Variants in ARHGAP23 observed in about 807,000 individuals in gnomAD.
ARHGAP23 encodes Rho GTPase activating protein 23, also known as rho GTPase-activating protein 23.
In ARHGAP23, 34 loss-of-function variants were observed where a neutral mutation model predicts 136.3. The ratio of observed to expected loss-of-function variants is 0.25; its 90% CI spans 0.19 to 0.33. The LOEUF (loss-of-function observed/expected upper bound fraction) is 0.33. Among genes scored for constraint, ARHGAP23 ranks in the 10% least tolerant of loss-of-function variants. ARHGAP23 has a pLI of 1.00. For synonymous variants in ARHGAP23, 832 were observed against 920.5 expected, an observed-to-expected ratio of 0.90 and a Z score of 1.74; for missense variants, 1,808 against 2,139.0, an observed-to-expected ratio of 0.85 and a Z score of 3.05.
chr17:38,452,164 CT>C (rs2039188124), intron 1 of ARHGAP23, among the ~76,000 whole-genome samples: 1 of 152,128 alleles, frequency 6.6e-6, no homozygotes, highest in African/African-American at 2.4e-5. Context: ...TCCCCCTCCC[CT>C]CCCACCTCCG....
At chr17:38,500,690 G>C in intron 23 of ARHGAP23, 62 bp downstream of exon 23, 1 of 1,455,514 alleles carries the variant, frequency 6.9e-7, no homozygotes, top group South Asian at 1.2e-5. Flanking sequence ...TTTGGTTTTT[G>C]TTCAAGGGAA....
At chr17:38,431,856 C>A (rs1451355513) in intron 1 of ARHGAP23, among the ~76,000 whole-genome samples, 1 of 152,214 alleles carries the variant, frequency 6.6e-6, no homozygotes, top group Non-Finnish European at 1.5e-5. Flanking sequence ...GCCTTTCCCT[C>A]TGTGGTTGGT....
At chr17:38,499,510 G>A (rs370657804) in intron 22 of ARHGAP23, among the ~76,000 whole-genome samples, 7 of 152,230 alleles carry the variant, frequency 4.6e-5, no homozygotes, top group South Asian at 4.2e-4. Context: ...TCCTCCCCCC[G>A]CCATGGTTGT....
chr17:38,491,262 G>A, intron 19 of ARHGAP23, 145 bp from the exon 20 acceptor site: 1 of 1,126,970 alleles, frequency 8.9e-7, no homozygotes, highest in East Asian at 2.6e-5. Context: ...TACTCATCAA[G>A]CATCTCCATG....
intron 1 of ARHGAP23, among the ~76,000 whole-genome samples, chr17:38,433,040 A>G (rs2038718690): frequency 1.3e-5 from 2 of 151,768 alleles, no homozygotes; most frequent in South Asian, 4.2e-4. Flanking sequence ...GCAGCCTTGA[A>G]CTCCTGGGAT....
chr17:38,460,308 G>A (rs2039427759), intron 2 of ARHGAP23, among the ~76,000 whole-genome samples: 2 of 152,164 alleles, frequency 1.3e-5, no homozygotes, highest in African/African-American at 4.8e-5. Flanking sequence ...TTTCTGTCCT[G>A]TAAGCCTGAG....
At chr17:38,470,807 G>A (rs146233364) in intron 10 of ARHGAP23, among the ~76,000 whole-genome samples, 2,071 of 152,210 alleles carry the variant, frequency 0.014, 37 homozygotes, top group African/African-American at 0.046. Flanking sequence ...AAAGTGTTGG[G>A]ATTACAGGCG....
rs961906120 is a variant in ARHGAP23 at position 38,458,207 on chromosome 17, A to G, written c.169A>G (p.Thr57Ala). 1 of 1,535,622 alleles carries G rather than the reference A, an allele frequency of 6.5e-7. No homozygotes were observed. Among genetic ancestry groups the G allele is most frequent in the East Asian group, 2.4e-5 (1 of 40,864 alleles). The change falls in exon 2 of 24, where the codon ACT (threonine) becomes GCT (alanine). Residue 57 changes from threonine (T) to alanine (A), a missense_variant. By Grantham distance (58) the Thr-to-Ala change is moderately conservative (BLOSUM62 0). Coordinates refer to ENST00000622683, the MANE Select transcript of ARHGAP23 (RefSeq NM_001199417.2). ...YKSPQDGFGFTLRHFIVYPPE... is the reference protein window; with the variant it reads ...YKSPQDGFGFALRHFIVYPPE... ...AAGTCCCCAGGACGGCTTTGGCTTC[A>G]CTCTGCGCCACTTCATCGTGTACCC...
chr17:38,462,933 T>G lies in ARHGAP23; in HGVS notation c.341T>G (p.Leu114Arg). 1 of 1,542,510 alleles carries G rather than the reference T, an allele frequency of 6.5e-7. No homozygotes were observed. Among genetic ancestry groups the G allele is most frequent in the Non-Finnish European group, 8.7e-7 (1 of 1,144,676 alleles). ...KEDGPAHRAGLRTGDRLVKVN... is the reference protein window; with the variant it reads ...KEDGPAHRAGRRTGDRLVKVN... ...GACGGCCCTGCCCATAGGGCGGGGC[T>G]TCGCACAGGTGAGCTGGCCCAGTTA... The change falls in exon 4 of 24, where the codon CTT becomes CGT. Residue 114 changes from leucine to arginine, a missense_variant. Around this residue, in one of 7 missense-constraint regions of ARHGAP23, gnomAD observed 859 missense variants for 936.4 expected, o/e 0.92. Coordinates refer to ENST00000622683, the MANE Select transcript of ARHGAP23 (RefSeq NM_001199417.2).
intron 12 of ARHGAP23, among the ~76,000 whole-genome samples, chr17:38,478,634 C>T (rs1296799393): frequency 6.6e-6 from 1 of 152,060 alleles, no homozygotes; most frequent in Non-Finnish European, 1.5e-5. Flanking sequence ...TGGTCTTGAT[C>T]TCCTGACCTC....
At chr17:38,438,109 G>T (rs772284900) in intron 1 of ARHGAP23, among the ~76,000 whole-genome samples, 1 of 152,098 alleles carries the variant, frequency 6.6e-6, no homozygotes, top group East Asian at 1.9e-4. Flanking sequence ...AATCACGAGG[G>T]CAAGAGATCG....
At chr17:38,440,524 G>C (rs989256766) in intron 1 of ARHGAP23, among the ~76,000 whole-genome samples, 1 of 152,230 alleles carries the variant, frequency 6.6e-6, no homozygotes, top group Non-Finnish European at 1.5e-5. Context: ...AGGAGACTGA[G>C]GCTTGGAGAG....
At chr17:38,428,293 G>A (rs2038599703), upstream of ARHGAP23, 2 of 248,436 alleles carry the variant, frequency 8.1e-6, no homozygotes, top group African/African-American at 2.3e-5. Context: ...CAGGTCTGTG[G>A]CCCTTGAGCG....
intron 23 of ARHGAP23, among the ~76,000 whole-genome samples, chr17:38,502,630 G>A (rs2040546444): frequency 6.6e-6 from 1 of 152,206 alleles, no homozygotes; most frequent in Non-Finnish European, 1.5e-5. Flanking sequence ...GATGGAATGA[G>A]CTAATAAAGT....
intron 11 of ARHGAP23, among the ~76,000 whole-genome samples, chr17:38,476,828 C>T (rs1164170848): frequency 1.3e-5 from 2 of 152,190 alleles, no homozygotes; most frequent in African/African-American, 4.8e-5. Context: ...GATGCCATAG[C>T]ACACCCTCCA....
At chr17:38,435,473 G>A (rs1390938244) in intron 1 of ARHGAP23, among the ~76,000 whole-genome samples, 2 of 152,212 alleles carry the variant, frequency 1.3e-5, no homozygotes. Flanking sequence ...TTTGGACTGA[G>A]CAATGCACAG....
At chr17:38,426,779 C>T (rs1275657885), upstream of ARHGAP23, among the ~76,000 whole-genome samples, 1 of 152,064 alleles carries the variant, frequency 6.6e-6, no homozygotes, top group East Asian at 1.9e-4. Context: ...TGAGCTAAAC[C>T]CCAGTCAGTA....
chr17:38,466,034 T>A, intron 6 of ARHGAP23, 133 bp from the exon 7 acceptor site: 11 of 530,778 alleles, frequency 2.1e-5, no homozygotes, highest in Non-Finnish European at 2.7e-5. Flanking sequence ...CTTATGCCTC[T>A]CCCTCGTTCC....
chr17:38,510,348 C>T lies in ARHGAP23; in HGVS notation c.3852C>T (p.His1284=). ...ACGACGAGCGTAGCGAGCTGAGCCACGTGGAGACGGACACTGAGGGCGCGG... is the reference window on the plus strand; with the variant it reads ...ACGACGAGCGTAGCGAGCTGAGCCATGTGGAGACGGACACTGAGGGCGCGG... ...EADDERSELS[H]VETDTEGAAG... The change falls in exon 24 of 24, where the codon CAC becomes CAT. Residue 1284 remains histidine, a synonymous_variant. Transcript: ENST00000622683. The surrounding 1 kb of genome is among the most constrained non-coding windows in gnomAD (Gnocchi z 4.6). 8.0e-7 allele frequency: 1 copy of T among 1,251,092 alleles called. No homozygotes were observed. The highest frequency in any genetic ancestry group is 1.0e-6 in the Non-Finnish European group (1 of 998,768). The allele number at this position is 1,251,092 out of a possible 1,614,324, so 77.5% of individuals were successfully genotyped here. A position where few individuals can be genotyped will look rare whatever the true frequency, so the allele number is the denominator to read the frequency against.
Sources: allele counts gnomAD v4.1 joint callset (sites outside exome capture counted in the v4.1 genomes callset), GRCh38; gene constraint gnomAD v4.1.1; regional missense constraint gnomAD v4.1.1; non-coding constraint Gnocchi (gnomAD v3.1); transcripts MANE v1.5; gene names NCBI Gene and HGNC (gene_info 2026-07-23, HGNC 2026-07-21).